The following GAK variants were observed in gnomAD, a reference collection of about 807,000 sequenced individuals.
GAK encodes the protein cyclin G associated kinase, also known as cyclin-G-associated kinase.
GAK carries 79 observed loss-of-function variants against 143.9 expected under a neutral mutation model. The observed-to-expected ratio is 0.55, with a 90% CI of 0.46 to 0.66. The LOEUF (loss-of-function observed/expected upper bound fraction) is 0.66, where lower values mean the gene tolerates loss of function less well. Ranked by LOEUF, GAK falls within the 30% of genes least tolerant of loss-of-function variation. The pLI is 0.00. For synonymous variants in GAK, 881 were observed against 765.5 expected (o/e 1.15, Z -2.49); for missense variants, 1,693 against 1,779.7 (o/e 0.95, Z 0.88).
In GAK at chr4:866,352, A is replaced by G; in HGVS notation, c.3043+12T>C. 1 of 1,612,992 alleles carries G rather than the reference A, an allele frequency of 6.2e-7. No homozygotes were observed. The highest frequency in any genetic ancestry group is 8.5e-7 in the Non-Finnish European group (1 of 1,179,454). On this transcript the variant is annotated intron_variant, in intron 22 of 27. Transcript: ENST00000314167. ...GCCATGGAGAGCTGGCTGCCAGGCG[A>G]GAGGCACTTACCCAGGTGCAGGAAG...
chr4:870,041 A>G (rs924177086), intron 19 of GAK: 1 of 153,622 alleles, frequency 6.5e-6, no homozygotes, highest in African/African-American at 2.4e-5. Flanking sequence ...TGTACACACG[A>G]ATGCACACAG....
At chr4:894,959 A>C (rs1577209332) in intron 7 of GAK, 2 of 151,690 alleles carry the variant, frequency 1.3e-5, no homozygotes, top group Non-Finnish European at 1.5e-5. Flanking sequence ...CAGCCTAGCA[A>C]CAAAGCGAGA....
chr4:867,884 C>T (rs941852988), intron 20 of GAK, among the ~76,000 whole-genome samples: 17 of 152,262 alleles, frequency 1.1e-4, no homozygotes, highest in Non-Finnish European at 1.8e-4. Context: ...CCAGCCTCTG[C>T]CTCAAGGGTC....
chr4:883,196 G>A lies in GAK; in HGVS notation c.1404+119C>T, dbSNP rs908867062. 2.1e-5 allele frequency: 25 copies of A among 1,207,878 alleles called. No individual in the cohort carries two copies. In the African/African-American group the frequency reaches 3.7e-4, roughly 18 times the overall value. 74.8% of individuals were successfully genotyped at this position (1,207,878 alleles called of 1,614,324 possible). On this transcript the variant is annotated intron_variant, in intron 13 of 27. Transcript: ENST00000314167. ...CTGTCCCACGCTCTGCAGCCCCTCA[G>A]GAGACCTCCGGCCGCCCCCATCACA...
intron 5 of GAK, among the ~76,000 whole-genome samples, chr4:902,046 T>TA (rs1205092738): frequency 6.6e-6 from 1 of 152,156 alleles, no homozygotes; most frequent in Non-Finnish European, 1.5e-5. Flanking sequence ...GAAACCAGCC[T>TA]AGACAACATG....
At position 877,210 on chromosome 4, in the gene GAK, A is replaced by G. The variant is rs189098468; in HGVS notation, c.1857-3T>C. 3.2e-4 allele frequency: 509 copies of G among 1,603,212 alleles called. 2 individuals carry two copies. Among genetic ancestry groups the G allele is most frequent in the Non-Finnish European group, 4.0e-4 (473 of 1,170,184 alleles). On this transcript the variant is annotated splice_polypyrimidine_tract_variant and splice_region_variant and intron_variant, in intron 16 of 27. Coordinates refer to ENST00000314167, the MANE Select transcript of GAK (RefSeq NM_005255.4). ...TGCCATCTTCAATCTTAAAGTCCCT[A>G]AGGACAGAATGACAAGAGAAAAATT... is the stretch of plus-strand genomic sequence containing the variant.
In GAK at chr4:876,506, C is replaced by T. The variant is rs376505895; in HGVS notation, c.2054+24G>A. On this transcript the variant is annotated intron_variant, in intron 18 of 27. Transcript: ENST00000314167. ...GCACAGGGCACCTGTCCCTCCCCAC[C>T]GAGCACAAGCGGTACCAACGTACTT... 7.3e-5 allele frequency: 117 copies of T among 1,608,980 alleles called. 2 individuals carry two copies. In the South Asian group the frequency reaches 9.1e-4, roughly 13 times the overall value.
chr4:851,955 A>C lies in GAK; in HGVS notation c.3303T>G (p.Pro1101=), dbSNP rs1748230588. The change falls in exon 25 of 28, where the codon CCT becomes CCG. Residue 1101 remains proline (P), a synonymous_variant. Transcript: ENST00000314167. ...SGLQGSPAGF[P]PGGFIPKTAT... is the part of the protein sequence containing the mutation. ...CCGTTTTGGGAATGAAGCCCCCAGGAGGGAATCCAGCTGGTGAGCCTGTGG... is the reference window on the plus strand; with the variant it reads ...CCGTTTTGGGAATGAAGCCCCCAGGCGGGAATCCAGCTGGTGAGCCTGTGG... 1 of 1,613,766 alleles carries C rather than the reference A, an allele frequency of 6.2e-7. No individual in the cohort carries two copies. The highest frequency in any genetic ancestry group is 8.5e-7 in the Non-Finnish European group (1 of 1,179,866).
At chr4:911,872 C>T in intron 3 of GAK, 85 bp from the exon 4 acceptor site, 2 of 1,037,670 alleles carry the variant, frequency 1.9e-6, no homozygotes, top group Non-Finnish European at 3.0e-6. Flanking sequence ...AATATTAACA[C>T]ACTGAAGTCA....
At chr4:864,224 G>A (rs1750754130) in intron 23 of GAK, among the ~76,000 whole-genome samples, 1 of 152,160 alleles carries the variant, frequency 6.6e-6, no homozygotes, top group African/African-American at 2.4e-5. Context: ...AGCTGGGCAT[G>A]GTGGCACATG....
intron 5 of GAK, among the ~76,000 whole-genome samples, chr4:903,640 A>G (rs62297083): frequency 0.24 from 32,068 of 135,972 alleles, 3,762 homozygotes; most frequent in Middle Eastern, 0.3. Flanking sequence ...TGACACCACC[A>G]GGGGACTGAG....
At chr4:889,302 CTCTG>C (rs1347714276) in intron 10 of GAK, among the ~76,000 whole-genome samples, 1 of 152,250 alleles carries the variant, frequency 6.6e-6, no homozygotes, top group Non-Finnish European at 1.5e-5. Flanking sequence ...GGGGCTGGGA[CTCTG>C]TCTGTGGGGA....
At chr4:911,411 T>A (rs1031745358) in intron 4 of GAK, among the ~76,000 whole-genome samples, 11 of 152,056 alleles carry the variant, frequency 7.2e-5, no homozygotes, top group African/African-American at 2.2e-4. Context: ...ACAGGCAGGA[T>A]GGGAGCCCGG....
chr4:890,355 G>T (rs937549638), intron 10 of GAK, among the ~76,000 whole-genome samples, 177 bp downstream of exon 10: 2 of 152,154 alleles, frequency 1.3e-5, no homozygotes, highest in Admixed American at 6.5e-5. Context: ...AGCTCTGTGA[G>T]CCCCAGGGAA....
chr4:855,211 G>A (rs993148406), intron 24 of GAK, among the ~76,000 whole-genome samples: 4 of 152,146 alleles, frequency 2.6e-5, no homozygotes, highest in African/African-American at 7.2e-5. Flanking sequence ...TCCAGGCCGT[G>A]AGTGCAGCGT....
chr4:912,551 AC>A, intron 3 of GAK, 183 bp downstream of exon 3: 1 of 539,756 alleles, frequency 1.9e-6, no homozygotes, highest in Admixed American at 3.2e-5. Context: ...TAAAAAAAAA[AC>A]AGAAAAAACT....
intron 4 of GAK, 151 bp downstream of exon 4, chr4:911,522 T>G (rs1195946641): frequency 1.8e-6 from 1 of 557,506 alleles, no homozygotes; most frequent in African/African-American, 1.9e-5. Context: ...ACAGAACTAC[T>G]GTCAGAGAGC....
chr4:905,902 T>C (rs908447964), intron 4 of GAK, among the ~76,000 whole-genome samples: 2 of 152,264 alleles, frequency 1.3e-5, no homozygotes, highest in African/African-American at 4.8e-5. Flanking sequence ...CAGCCCCGTG[T>C]GTGGGACCAC....
intron 11 of GAK, among the ~76,000 whole-genome samples, chr4:884,542 G>A (rs766440836): frequency 2.6e-5 from 4 of 152,206 alleles, no homozygotes; most frequent in Non-Finnish European, 4.4e-5. Context: ...AGCAGACGCC[G>A]CTGGAGGCAG....
Sources: gnomAD v4.1 joint callset for allele counts (sites outside exome capture counted in the v4.1 genomes callset) on GRCh38, gnomAD v4.1.1 for gene constraint, MANE v1.5 for transcripts, NCBI Gene and HGNC (gene_info 2026-07-23, HGNC 2026-07-21) for gene names.